Variants in PDE11A observed in about 807,000 individuals in gnomAD.
The protein encoded by PDE11A is phosphodiesterase 11A, also known as dual 3',5'-cyclic-AMP and -GMP phosphodiesterase 11A.
In PDE11A, 100 loss-of-function variants were observed where a neutral mutation model predicts 100.5. The observed-to-expected ratio is 1.00, with a 90% CI of 0.85 to 1.18. The LOEUF (loss-of-function observed/expected upper bound fraction) is 1.18, where lower values mean the gene tolerates loss of function less well. PDE11A is among the 50% of genes most tolerant of loss of function. PDE11A has a pLI of 0.00. For missense variants in PDE11A, 1,141 were observed against 1,152.6 expected, an observed-to-expected ratio of 0.99 and a Z score of 0.15; for synonymous variants, 381 against 420.8, an observed-to-expected ratio of 0.91 and a Z score of 1.16.
At chr2:177,972,544 G>C (rs1200011423) in intron 2 of PDE11A, among the ~76,000 whole-genome samples, 1 of 152,214 alleles carries the variant, frequency 6.6e-6, no homozygotes, top group Non-Finnish European at 1.5e-5. Flanking sequence ...GAGAGAGAGA[G>C]ATGTGGAAAG....
chr2:177,827,698 T>C (rs894313364), intron 6 of PDE11A, among the ~76,000 whole-genome samples: 1 of 152,230 alleles, frequency 6.6e-6, no homozygotes, highest in Non-Finnish European at 1.5e-5. Context: ...GTGTCACAGA[T>C]GATATACTAA....
intron 4 of PDE11A, among the ~76,000 whole-genome samples, chr2:177,896,891 T>A (rs369839932): frequency 5.6e-4 from 86 of 152,286 alleles, no homozygotes; most frequent in African/African-American, 2.0e-3. Context: ...CAGGATACTT[T>A]CCAGGCTATT....
intron 10 of PDE11A, among the ~76,000 whole-genome samples, chr2:177,746,432 C>A (rs1243886048): frequency 6.6e-6 from 1 of 151,930 alleles, no homozygotes; most frequent in East Asian, 1.9e-4. Flanking sequence ...CTAAACAAAC[C>A]AAAATAAGCC....
At chr2:177,905,221 A>G (rs2105735693) in intron 2 of PDE11A, 34 bp from the exon 3 acceptor site, 1 of 1,167,126 alleles carries the variant, frequency 8.6e-7, no homozygotes, top group Non-Finnish European at 1.3e-6. Context: ...ACATTAAAAC[A>G]TAAGAACATT....
chr2:177,875,973 G>C, intron 4 of PDE11A, 50 bp from the exon 5 acceptor site: 2 of 1,031,004 alleles, frequency 1.9e-6, no homozygotes, highest in Non-Finnish European at 3.1e-6. Flanking sequence ...CTTTATTGCC[G>C]TTTAAAATAA....
At chr2:177,796,398 T>G (rs7584946) in intron 9 of PDE11A, among the ~76,000 whole-genome samples, 71,146 of 151,986 alleles carry the variant, frequency 0.47, 17,371 homozygotes, top group African/African-American at 0.59. Context: ...CCATTGCCAG[T>G]ACCTGCATGG....
intron 10 of PDE11A, among the ~76,000 whole-genome samples, chr2:177,730,959 G>A (rs10172247): frequency 0.084 from 12,742 of 152,000 alleles, 1,785 homozygotes; most frequent in African/African-American, 0.28. Context: ...CCTCCTCCCA[G>A]CTACTGACAA....
intron 14 of PDE11A, among the ~76,000 whole-genome samples, chr2:177,700,326 G>GATA (rs1000387385): frequency 8.7e-5 from 13 of 149,596 alleles, no homozygotes; most frequent in Admixed American, 3.3e-4. Context: ...CCTTAATGAT[G>GATA]ATAATAATAA....
chr2:178,004,162 T>A (rs957675066), intron 2 of PDE11A, among the ~76,000 whole-genome samples: 3 of 152,152 alleles, frequency 2.0e-5, no homozygotes, highest in African/African-American at 7.2e-5. Flanking sequence ...AACAGTATTA[T>A]CTCTGAAAGT....
At chr2:177,753,960 C>G (rs1369114042) in intron 10 of PDE11A, among the ~76,000 whole-genome samples, 1 of 152,052 alleles carries the variant, frequency 6.6e-6, no homozygotes, top group African/African-American at 2.4e-5. Context: ...GCCCCGCCCC[C>G]CATGTCTAAT....
chr2:177,901,064 A>T (rs1466261786), intron 3 of PDE11A, among the ~76,000 whole-genome samples: 1 of 152,162 alleles, frequency 6.6e-6, no homozygotes, highest in East Asian at 1.9e-4. Flanking sequence ...TTCCCTGGGG[A>T]CTAGAATGCC....
chr2:178,025,258 C>T (rs2086464738), intron 1 of PDE11A, among the ~76,000 whole-genome samples: 1 of 152,132 alleles, frequency 6.6e-6, no homozygotes, highest in Non-Finnish European at 1.5e-5. Context: ...GTATTTTGTA[C>T]ATTCACATAG....
chr2:177,855,238 C>T (rs2083811225), intron 5 of PDE11A, among the ~76,000 whole-genome samples: 1 of 152,008 alleles, frequency 6.6e-6, no homozygotes, highest in Non-Finnish European at 1.5e-5. Flanking sequence ...GTAAGTTTGA[C>T]TTACATTCCC....
At chr2:178,065,647 GA>G (rs750095865) in intron 1 of PDE11A, among the ~76,000 whole-genome samples, 1 of 152,124 alleles carries the variant, frequency 6.6e-6, no homozygotes, top group Non-Finnish European at 1.5e-5. Context: ...GCGCTTGGGG[GA>G]ATTTTTTTTA....
chr2:177,956,553 T>C (rs908271895), intron 2 of PDE11A, among the ~76,000 whole-genome samples: 1 of 152,194 alleles, frequency 6.6e-6, no homozygotes, highest in African/African-American at 2.4e-5. Flanking sequence ...AGCCATCCCA[T>C]TACTGGGTAT....
At chr2:177,882,944 T>A (rs986453544) in intron 4 of PDE11A, among the ~76,000 whole-genome samples, 1 of 152,180 alleles carries the variant, frequency 6.6e-6, no homozygotes, top group Non-Finnish European at 1.5e-5. Context: ...TCTCTATTTT[T>A]CTATAAGAGG....
At chr2:177,653,765 A>C (rs1462370607) in intron 19 of PDE11A, among the ~76,000 whole-genome samples, 2 of 152,184 alleles carry the variant, frequency 1.3e-5, no homozygotes, top group East Asian at 3.9e-4. Flanking sequence ...CTGACACCTG[A>C]ATTCTAGCTT....
At chr2:177,807,813 T>C (rs2082894892) in intron 9 of PDE11A, among the ~76,000 whole-genome samples, 1 of 151,890 alleles carries the variant, frequency 6.6e-6, no homozygotes, top group Non-Finnish European at 1.5e-5. Flanking sequence ...ATCTGACTAA[T>C]CTTTATCCTC....
intron 1 of PDE11A, among the ~76,000 whole-genome samples, chr2:178,016,400 A>T (rs1037309554): frequency 6.6e-6 from 1 of 152,022 alleles, no homozygotes; most frequent in African/African-American, 2.4e-5. Flanking sequence ...ACCCAAACAA[A>T]ACCAAATCTC....
Sources: allele counts gnomAD v4.1 joint callset (sites outside exome capture counted in the v4.1 genomes callset), GRCh38; gene constraint gnomAD v4.1.1; transcripts MANE v1.5; gene names NCBI Gene and HGNC (gene_info 2026-07-23, HGNC 2026-07-21).